The following CORO2A variants were observed in gnomAD, a reference collection of about 807,000 sequenced individuals.
CORO2A encodes coronin 2A, also known as coronin-2A.
A neutral mutation model predicts 62.4 loss-of-function variants in CORO2A; 47 were observed. The observed-to-expected ratio is 0.75, with a 90% CI of 0.60 to 0.96. The LOEUF is 0.96. Ranked by LOEUF, CORO2A falls within the 40% of genes least tolerant of loss-of-function variation. CORO2A has a pLI of 0.00. For synonymous variants in CORO2A, 273 were observed against 268.9 expected (o/e 1.02, Z -0.15); for missense variants, 610 against 684.1 (o/e 0.89, Z 1.21).
intron 11 of CORO2A, among the ~76,000 whole-genome samples, chr9:98,125,309 G>A (rs1471330917): frequency 1.3e-5 from 2 of 152,176 alleles, no homozygotes; most frequent in African/African-American, 4.8e-5. Context: ...GTTAGATATT[G>A]AGTGATGCCC....
intron 9 of CORO2A, 30 bp downstream of exon 9, chr9:98,128,577 T>G: frequency 6.3e-7 from 1 of 1,593,748 alleles, no homozygotes; most frequent in Non-Finnish European, 8.6e-7. Context: ...GTTCCCCACC[T>G]GCCTCCCATG....
chr9:98,131,079 A>T lies in CORO2A; in HGVS notation c.766-20T>A. 1 of 1,581,406 alleles carries T rather than the reference A, an allele frequency of 6.3e-7. No homozygotes were observed. The highest frequency in any genetic ancestry group is 1.7e-4 in the Middle Eastern group (1 of 6,002). On this transcript the variant is annotated intron_variant, in intron 6 of 11. Transcript: ENST00000375077. ...GTTATCCTGCAGGGGAAGGGGAGGCAGGGAAGGCCTGGGTCACTCCTGGGG... is the reference window on the plus strand; with the variant it reads ...GTTATCCTGCAGGGGAAGGGGAGGCTGGGAAGGCCTGGGTCACTCCTGGGG...
chr9:98,160,125 G>A (rs3780457), intron 1 of CORO2A, among the ~76,000 whole-genome samples: 16,648 of 152,174 alleles, frequency 0.11, 972 homozygotes, highest in Middle Eastern at 0.14. Context: ...CTCTCCTTTC[G>A]GGAGCTTTGC....
intron 1 of CORO2A, among the ~76,000 whole-genome samples, chr9:98,192,352 G>A (rs1311384257): frequency 6.6e-6 from 1 of 152,254 alleles, no homozygotes; most frequent in African/African-American, 2.4e-5. Context: ...CCACCAATGA[G>A]CAAGCTATCC....
At chr9:98,185,712 A>G (rs1301607787) in intron 1 of CORO2A, among the ~76,000 whole-genome samples, 1 of 152,210 alleles carries the variant, frequency 6.6e-6, no homozygotes, top group Non-Finnish European at 1.5e-5. Flanking sequence ...AGCACGCCAT[A>G]GACCACGCCC....
At chr9:98,136,630 C>T (rs1405730182) in intron 3 of CORO2A, among the ~76,000 whole-genome samples, 1 of 152,210 alleles carries the variant, frequency 6.6e-6, no homozygotes, top group Non-Finnish European at 1.5e-5. Context: ...TCAGACAGGC[C>T]TCAGTCTGAA....
intron 10 of CORO2A, chr9:98,127,057 G>A (rs1018078716): frequency 1.5e-5 from 9 of 586,462 alleles, no homozygotes; most frequent in African/African-American, 5.6e-5. Context: ...GGAACAGCAC[G>A]GTGCGTGCAC....
At chr9:98,152,925 T>C (rs1004311178) in intron 2 of CORO2A, among the ~76,000 whole-genome samples, 3 of 152,204 alleles carry the variant, frequency 2.0e-5, no homozygotes, top group Non-Finnish European at 4.4e-5. Context: ...AAAGCTATTA[T>C]AAAGGTCATC....
chr9:98,138,136 G>A (rs894805810), intron 2 of CORO2A, among the ~76,000 whole-genome samples: 2 of 152,182 alleles, frequency 1.3e-5, no homozygotes, highest in African/African-American at 4.8e-5. Flanking sequence ...GAAAAGATAA[G>A]TCCGCAAGAA....
intron 1 of CORO2A, among the ~76,000 whole-genome samples, chr9:98,163,796 T>C (rs1242333463): frequency 6.6e-6 from 1 of 151,092 alleles, no homozygotes; most frequent in African/African-American, 2.4e-5. Context: ...GAGAGTTTCC[T>C]GCCTGTTCCA....
intron 2 of CORO2A, among the ~76,000 whole-genome samples, chr9:98,141,514 A>G (rs558015671): frequency 1.3e-5 from 2 of 152,080 alleles, no homozygotes; most frequent in South Asian, 4.2e-4. Context: ...CACCACACCC[A>G]GCTAGTTTTT....
At chr9:98,145,935 T>A (rs1827639016) in intron 2 of CORO2A, among the ~76,000 whole-genome samples, 1 of 152,168 alleles carries the variant, frequency 6.6e-6, no homozygotes, top group African/African-American at 2.4e-5. Context: ...TAGTCTCGAA[T>A]GCCTGACCTC....
intron 2 of CORO2A, among the ~76,000 whole-genome samples, chr9:98,140,112 C>G (rs990368239): frequency 2.0e-5 from 3 of 152,102 alleles, no homozygotes; most frequent in Non-Finnish European, 4.4e-5. Flanking sequence ...CCCAGGCCCT[C>G]GACCTCCCAC....
intron 2 of CORO2A, among the ~76,000 whole-genome samples, chr9:98,144,273 C>T (rs976905390): frequency 6.6e-5 from 10 of 152,074 alleles, no homozygotes; most frequent in African/African-American, 2.4e-4. Context: ...AGCTGCGTTG[C>T]TCATAATATT....
intron 8 of CORO2A, among the ~76,000 whole-genome samples, chr9:98,129,550 C>T (rs956562374): frequency 1.3e-5 from 2 of 152,198 alleles, no homozygotes; most frequent in African/African-American, 4.8e-5. Flanking sequence ...CTGGGCTCTG[C>T]TTCCTCTTTC....
chr9:98,150,569 G>A (rs549037642), intron 2 of CORO2A, among the ~76,000 whole-genome samples: 2 of 152,178 alleles, frequency 1.3e-5, no homozygotes, highest in South Asian at 4.1e-4. Flanking sequence ...CCCAACCCAC[G>A]TCACACTCTA....
At chr9:98,147,620 C>T (rs1827659033) in intron 2 of CORO2A, among the ~76,000 whole-genome samples, 2 of 152,116 alleles carry the variant, frequency 1.3e-5, no homozygotes, top group Non-Finnish European at 2.9e-5. Context: ...ACAGGATGCC[C>T]AGTAAAATTC....
intron 1 of CORO2A, 113 bp downstream of exon 1, chr9:98,192,446 C>G (rs111241578): frequency 0.028 from 4,271 of 150,132 alleles, 196 homozygotes; most frequent in African/African-American, 0.098. Flanking sequence ...CCCCGCGCTC[C>G]GAGCCCCGCA....
rs1309704124 is a variant in CORO2A at position 98,124,720 on chromosome 9, C to T, written c.*54G>A. On this transcript the variant is annotated 3_prime_UTR_variant, in exon 12 of 12. Coordinates refer to ENST00000375077, the MANE Select transcript of CORO2A (RefSeq NM_052820.4). ...GGGGACTTGTGGTTTGGTTCTAAAC[C>T]TCCCCATGGAGCCGAGTGGTGTCCC... The T allele has an allele frequency of 6.6e-7, 1 of 1,511,596 alleles. No homozygotes were observed. Among genetic ancestry groups the T allele is most frequent in the Admixed American group, 2.1e-5 (1 of 47,498 alleles). 93.6% of individuals were successfully genotyped at this position (1,511,596 alleles called of 1,614,324 possible). A position where few individuals can be genotyped will look rare whatever the true frequency, so the allele number is the denominator to read the frequency against.
Sources: allele counts gnomAD v4.1 joint callset (sites outside exome capture counted in the v4.1 genomes callset), GRCh38; gene constraint gnomAD v4.1.1; transcripts MANE v1.5; gene names NCBI Gene and HGNC (gene_info 2026-07-23, HGNC 2026-07-21).